The following GRID1 variants were observed in gnomAD, a reference collection of about 807,000 sequenced individuals.
GRID1 encodes glutamate receptor ionotropic, delta-1.
In GRID1, 28 loss-of-function variants were observed where a neutral mutation model predicts 98.0. The ratio of observed to expected loss-of-function variants is 0.29; its 90% confidence interval spans 0.21 to 0.39. The LOEUF is 0.39. GRID1 is among the 10% of genes least tolerant of loss of function. GRID1 has a pLI of 1.00. For synonymous variants in GRID1, 553 were observed against 538.5 expected (o/e 1.03, Z -0.37); for missense variants, 1,111 against 1,340.5 (o/e 0.83, Z 2.67).
chr10:85,935,011 C>T (rs1004932881), intron 4 of GRID1, among the ~76,000 whole-genome samples: 1 of 152,196 alleles, frequency 6.6e-6, no homozygotes, highest in Non-Finnish European at 1.5e-5. Flanking sequence ...GTATAGACTT[C>T]ATAGAAGTAA....
intron 4 of GRID1, among the ~76,000 whole-genome samples, chr10:85,919,090 T>C (rs745657289): frequency 2.0e-4 from 31 of 152,226 alleles, no homozygotes; most frequent in Non-Finnish European, 4.4e-4. Context: ...CTTCAGAATA[T>C]GTAGTTCTGT....
chr10:85,682,869 T>G (rs997958090), intron 12 of GRID1, among the ~76,000 whole-genome samples: 1 of 152,186 alleles, frequency 6.6e-6, no homozygotes. Flanking sequence ...GAATCCTCTT[T>G]AGATGTGCAA....
At chr10:85,962,529 G>C (rs1186212172) in intron 4 of GRID1, among the ~76,000 whole-genome samples, 1 of 152,150 alleles carries the variant, frequency 6.6e-6, no homozygotes, top group Admixed American at 6.5e-5. Flanking sequence ...AAATGGAGAG[G>C]GAGGGAAGAA....
intron 12 of GRID1, among the ~76,000 whole-genome samples, chr10:85,691,617 TTAAC>T (rs1354946753): frequency 6.6e-6 from 1 of 152,220 alleles, no homozygotes; most frequent in African/African-American, 2.4e-5. Context: ...ACCTGAAGAA[TTAAC>T]TAACTACCAA....
At chr10:86,219,544 C>G (rs895666026) in intron 2 of GRID1, among the ~76,000 whole-genome samples, 1 of 152,208 alleles carries the variant, frequency 6.6e-6, no homozygotes. Context: ...GCAGCACCCC[C>G]GCTCCCCTTC....
Position 86,275,156 on chromosome 10 carries a change from T to C in GRID1, c.236-68508A>G, listed in dbSNP as rs577462592. Among the ~76,000 whole-genome samples the C allele has an allele frequency of 4.6e-5, 7 of 152,228 alleles. No individual in the cohort carries two copies. In the South Asian group the frequency reaches 1.4e-3, roughly 32 times the overall value. ...CTCATGGCATTCAAGGAATTATCTG[T>C]CAAAACATTAGCCAAACACAGGCTA... is the stretch of plus-strand genomic sequence containing the variant. On this transcript the variant is annotated intron_variant, in intron 2 of 15. Transcript: ENST00000327946.
At chr10:85,898,064 G>A (rs996851642) in intron 5 of GRID1, among the ~76,000 whole-genome samples, 1 of 152,158 alleles carries the variant, frequency 6.6e-6, no homozygotes, top group Non-Finnish European at 1.5e-5. Context: ...AGACCTAGAT[G>A]GAACAGCCAA....
At chr10:86,036,160 G>A (rs868610472) in intron 4 of GRID1, among the ~76,000 whole-genome samples, 3 of 152,184 alleles carry the variant, frequency 2.0e-5, no homozygotes, top group Admixed American at 6.5e-5. Context: ...CCCAGGCCTA[G>A]CCTGCTAAGC....
At chr10:86,151,253 A>T (rs972594874) in intron 3 of GRID1, among the ~76,000 whole-genome samples, 1 of 152,184 alleles carries the variant, frequency 6.6e-6, no homozygotes, top group African/African-American at 2.4e-5. Context: ...CTGGTTTGCA[A>T]TGCTGAGGTA....
intron 13 of GRID1, chr10:85,645,679 C>T (rs1054442881): frequency 5.9e-5 from 9 of 152,194 alleles, no homozygotes; most frequent in South Asian, 4.1e-4. Context: ...TGGTAACTTA[C>T]GAAACTGGAA....
chr10:85,622,102 G>A (rs1842864926), intron 13 of GRID1, among the ~76,000 whole-genome samples: 1 of 152,150 alleles, frequency 6.6e-6, no homozygotes. Flanking sequence ...AAAGCCTGAT[G>A]TGGCCACTCT....
intron 12 of GRID1, among the ~76,000 whole-genome samples, chr10:85,697,599 G>A (rs1048329211): frequency 6.6e-6 from 1 of 152,096 alleles, no homozygotes; most frequent in Non-Finnish European, 1.5e-5. Context: ...GGGAAGACCT[G>A]TTCCTTTATT....
At chr10:85,997,526 G>T (rs573617064) in intron 4 of GRID1, among the ~76,000 whole-genome samples, 1 of 151,998 alleles carries the variant, frequency 6.6e-6, no homozygotes, top group Non-Finnish European at 1.5e-5. Context: ...CTATAAAAAC[G>T]TAAGTATGCA....
At chr10:86,353,631 T>G (rs1024034676) in intron 2 of GRID1, among the ~76,000 whole-genome samples, 10 of 152,200 alleles carry the variant, frequency 6.6e-5, no homozygotes, top group Admixed American at 6.5e-4. Context: ...TTCACAGAGC[T>G]GGGCCCCAGC....
intron 8 of GRID1, among the ~76,000 whole-genome samples, chr10:85,801,077 CAT>C (rs1437717310): frequency 4.6e-5 from 7 of 151,978 alleles, no homozygotes; most frequent in African/African-American, 1.4e-4. Flanking sequence ...TAAAAAGTGA[CAT>C]AATTAACAAC....
intron 2 of GRID1, among the ~76,000 whole-genome samples, chr10:86,354,856 A>G (rs1848513064): frequency 6.6e-6 from 1 of 152,202 alleles, no homozygotes; most frequent in African/African-American, 2.4e-5. Flanking sequence ...GATGGCTCCG[A>G]GCAGCCTCCA....
At chr10:85,669,600 C>T (rs973002090) in intron 12 of GRID1, among the ~76,000 whole-genome samples, 4 of 152,146 alleles carry the variant, frequency 2.6e-5, no homozygotes, top group Admixed American at 6.5e-5. Flanking sequence ...TCTTGAATCT[C>T]GTTTGACTCC....
intron 3 of GRID1, among the ~76,000 whole-genome samples, chr10:86,166,493 G>A (rs1156986452): frequency 6.6e-6 from 1 of 152,188 alleles, no homozygotes; most frequent in East Asian, 1.9e-4. Context: ...CCTGTGTTTT[G>A]CAGATGTTTT....
intron 4 of GRID1, among the ~76,000 whole-genome samples, chr10:86,099,728 C>G (rs528970433): frequency 6.6e-6 from 1 of 152,230 alleles, no homozygotes; most frequent in South Asian, 2.1e-4. Flanking sequence ...TCTGTGATCT[C>G]CTTAGACCAG....
Sources: allele counts gnomAD v4.1 joint callset (sites outside exome capture counted in the v4.1 genomes callset), GRCh38; gene constraint gnomAD v4.1.1; transcripts MANE v1.5; gene names NCBI Gene and HGNC (gene_info 2026-07-23, HGNC 2026-07-21).